Variants in PAK5 observed in about 807,000 individuals in gnomAD.
PAK5 encodes p21 (RAC1) activated kinase 5.
Under a neutral mutation model 65.9 loss-of-function variants are expected in PAK5, and 16 were observed. The ratio of observed to expected loss-of-function variants is 0.24; its 90% CI spans 0.16 to 0.37. The LOEUF (loss-of-function observed/expected upper bound fraction) is 0.37. PAK5 is among the 10% of genes least tolerant of loss of function. The pLI is 1.00. For synonymous variants in PAK5, 371 were observed against 354.9 expected (o/e 1.05, Z -0.51); for missense variants, 785 against 903.9 (o/e 0.87, Z 1.69).
intron 4 of PAK5, among the ~76,000 whole-genome samples, chr20:9,571,971 A>G (rs1451761887): frequency 6.6e-6 from 1 of 151,584 alleles, no homozygotes; most frequent in Non-Finnish European, 1.5e-5. Flanking sequence ...CTGGGGGCCC[A>G]GATGTTTGGG....
intron 1 of PAK5, among the ~76,000 whole-genome samples, chr20:9,750,507 C>G (rs900157347): frequency 3.9e-5 from 6 of 152,116 alleles, no homozygotes; most frequent in African/African-American, 1.4e-4. Context: ...CGAAATACAA[C>G]TACTCATTAT....
At chr20:9,631,576 C>A (rs760308874) in intron 3 of PAK5, among the ~76,000 whole-genome samples, 1 of 152,150 alleles carries the variant, frequency 6.6e-6, no homozygotes, top group South Asian at 2.1e-4. Context: ...GCCCAGCTGG[C>A]CCCCTAATTG....
chr20:9,707,765 G>T (rs139272431), intron 2 of PAK5, among the ~76,000 whole-genome samples: 1 of 152,084 alleles, frequency 6.6e-6, no homozygotes, highest in East Asian at 1.9e-4. Flanking sequence ...GAAGTGAGTT[G>T]CCCTAGCCAC....
intron 3 of PAK5, among the ~76,000 whole-genome samples, chr20:9,610,721 T>C (rs772351129): frequency 3.6e-4 from 55 of 152,172 alleles, no homozygotes; most frequent in Non-Finnish European, 7.1e-4. Context: ...GTGTGCTTTG[T>C]TTCTAATGGT....
chr20:9,624,287 T>C (rs1002892837), intron 3 of PAK5, among the ~76,000 whole-genome samples: 3 of 152,146 alleles, frequency 2.0e-5, no homozygotes, highest in African/African-American at 7.2e-5. Context: ...CTGTCTTGGT[T>C]ATCAATATCT....
At chr20:9,743,664 C>A (rs2123593953) in intron 1 of PAK5, among the ~76,000 whole-genome samples, 1 of 152,240 alleles carries the variant, frequency 6.6e-6, no homozygotes, top group South Asian at 2.1e-4. Flanking sequence ...TTATCAGTGA[C>A]ATTTCTATGT....
chr20:9,595,004 C>T (rs1039934271), intron 3 of PAK5, among the ~76,000 whole-genome samples: 1 of 151,736 alleles, frequency 6.6e-6, no homozygotes, highest in Non-Finnish European at 1.5e-5. Flanking sequence ...CACATATACA[C>T]ATACATTTAG....
rs2123275781 is a variant in PAK5, at chr20:9,644,189, G to A, written c.140C>T (p.Ala47Val). 1 of 1,610,512 alleles carries A rather than the reference G, an allele frequency of 6.2e-7. No individual in the cohort carries two copies. The highest frequency in any genetic ancestry group is 2.2e-5 in the East Asian group (1 of 44,844). Residue 47 changes from alanine to valine, a missense_variant, in exon 3 of 10, where the codon GCC (alanine) becomes GTC (valine). Physicochemically the swap from Ala to Val is moderately conservative, Grantham distance 64. Coordinates refer to ENST00000353224, the MANE Select transcript of PAK5 (RefSeq NM_177990.4). Reference protein sequence around the residue: ...QQWHSLLADTANRPKPMVDPS... With the variant: ...QQWHSLLADTVNRPKPMVDPS... Reference sequence around the variant, plus strand: ...GTCCACCATAGGCTTTGGCCTGTTGGCCGTATCTGCTAACAGGCTGTGCCA... The same window carrying A: ...GTCCACCATAGGCTTTGGCCTGTTGACCGTATCTGCTAACAGGCTGTGCCA...
Position 9,539,369 on chromosome 20 carries a change from G to T in PAK5, c.*93C>A. The T allele has an allele frequency of 8.0e-7, 1 of 1,244,300 alleles. No individual in the cohort carries two copies. The highest frequency in any genetic ancestry group is 1.2e-6 in the Non-Finnish European group (1 of 861,662). 77.1% of individuals were successfully genotyped at this position (1,244,300 alleles called of 1,614,324 possible). ...TCCCACCAATTGGCTGGTCTAGAAT[G>T]CACAGGCCTTTTGCATGTTCTGTGT... is the stretch of plus-strand genomic sequence containing the variant. On this transcript the variant is annotated 3_prime_UTR_variant, in exon 10 of 10. Transcript: ENST00000353224.
chr20:9,662,412 C>A (rs1476033208), intron 2 of PAK5, among the ~76,000 whole-genome samples: 1 of 152,154 alleles, frequency 6.6e-6, no homozygotes, highest in Non-Finnish European at 1.5e-5. Flanking sequence ...GGAACTCACC[C>A]TAGAAATTAG....
chr20:9,566,536 C>T, intron 4 of PAK5, 152 bp from the exon 5 acceptor site: 1 of 715,620 alleles, frequency 1.4e-6, no homozygotes, highest in East Asian at 2.5e-5. Context: ...CCGGCCACAC[C>T]TAGGGAAGGG....
At chr20:9,551,249 G>T (rs565445351) in intron 7 of PAK5, among the ~76,000 whole-genome samples, 2 of 152,122 alleles carry the variant, frequency 1.3e-5, no homozygotes, top group Non-Finnish European at 2.9e-5. Context: ...TCACATAGAC[G>T]CTAAGCTGAG....
chr20:9,601,759 C>G (rs935540201), intron 3 of PAK5, among the ~76,000 whole-genome samples: 10 of 152,148 alleles, frequency 6.6e-5, no homozygotes, highest in African/African-American at 2.4e-4. Context: ...TTCCTTGAGT[C>G]TTTGCCATCT....
At chr20:9,595,952 C>T (rs113043131) in intron 3 of PAK5, among the ~76,000 whole-genome samples, 2,142 of 151,350 alleles carry the variant, frequency 0.014, 22 homozygotes, top group Non-Finnish European at 0.022. Flanking sequence ...ATGTGTAAGG[C>T]CTGTAGTCTA....
chr20:9,613,573 G>T (rs219852), intron 3 of PAK5, among the ~76,000 whole-genome samples: 80,833 of 152,092 alleles, frequency 0.53, 22,489 homozygotes, highest in East Asian at 0.84. Flanking sequence ...CTTCTGTCAG[G>T]AGGAGGGAAA....
intron 2 of PAK5, among the ~76,000 whole-genome samples, chr20:9,663,329 A>G (rs2047371625): frequency 2.0e-5 from 3 of 152,192 alleles, no homozygotes; most frequent in South Asian, 2.1e-4. Flanking sequence ...AAATATTGCT[A>G]GAATAATAAC....
At chr20:9,599,870 A>AT (rs1231404827) in intron 3 of PAK5, among the ~76,000 whole-genome samples, 6 of 152,038 alleles carry the variant, frequency 3.9e-5, no homozygotes, top group South Asian at 2.1e-4. Context: ...CTAATTTATC[A>AT]TTTTTTTTCT....
At chr20:9,725,487 A>G (rs993274280) in intron 1 of PAK5, among the ~76,000 whole-genome samples, 1 of 152,210 alleles carries the variant, frequency 6.6e-6, no homozygotes, top group African/African-American at 2.4e-5. Context: ...GATTAAATCA[A>G]TAAAAATTAT....
intron 1 of PAK5, among the ~76,000 whole-genome samples, chr20:9,787,690 T>C (rs1209054894): frequency 6.6e-6 from 1 of 151,714 alleles, no homozygotes; most frequent in African/African-American, 2.4e-5. Context: ...TGCTGGTAAA[T>C]GTTTAACTAC....
Sources: gnomAD v4.1 joint callset for allele counts (sites outside exome capture counted in the v4.1 genomes callset) on GRCh38, gnomAD v4.1.1 for gene constraint, MANE v1.5 for transcripts, NCBI Gene and HGNC (gene_info 2026-07-23, HGNC 2026-07-21) for gene names.